The following CPEB3 variants were observed in gnomAD, a reference collection of about 807,000 sequenced individuals.
CPEB3 encodes cytoplasmic polyadenylation element-binding protein 3.
CPEB3 carries 20 observed loss-of-function variants against 67.2 expected under a neutral mutation model. The ratio of observed to expected loss-of-function variants is 0.30; its 90% CI spans 0.21 to 0.43. The LOEUF (loss-of-function observed/expected upper bound fraction) is 0.43, where lower values mean the gene tolerates loss of function less well. Ranked by LOEUF, CPEB3 falls within the 20% of genes least tolerant of loss-of-function variation. The probability of loss-of-function intolerance (pLI) is 1.00; values close to 1 mark genes in which losing one functional copy is unlikely to be tolerated. For missense variants in CPEB3, 746 were observed against 968.6 expected, an observed-to-expected ratio of 0.77 and a Z score of 3.05; for synonymous variants, 376 against 393.1, an observed-to-expected ratio of 0.96 and a Z score of 0.51.
chr10:92,105,295 GAAGGAC>G, intron 7 of CPEB3, among the ~76,000 whole-genome samples: 1 of 152,180 alleles, frequency 6.6e-6, no homozygotes. Context: ...CATCACAAAT[GAAGGAC>G]TGAGACAATC....
At chr10:92,119,294 C>T in intron 6 of CPEB3, 2 of 1,498,414 alleles carry the variant, frequency 1.3e-6, no homozygotes, top group Non-Finnish European at 1.9e-6. Context: ...TTTCAGATCC[C>T]CTTGGAGCAG....
intron 4 of CPEB3, among the ~76,000 whole-genome samples, chr10:92,155,196 GA>G (rs1444898503): frequency 6.6e-6 from 1 of 152,142 alleles, no homozygotes; most frequent in Non-Finnish European, 1.5e-5. Context: ...GCGACAAAGT[GA>G]GACTCTGTCT....
chr10:92,185,437 C>A (rs1352260395), intron 3 of CPEB3, among the ~76,000 whole-genome samples: 18 of 151,840 alleles, frequency 1.2e-4, no homozygotes, highest in Non-Finnish European at 1.5e-5. Flanking sequence ...AATCACAGTC[C>A]CATAAGCTCA....
intron 9 of CPEB3, among the ~76,000 whole-genome samples, chr10:92,077,894 G>T (rs147125107): frequency 6.6e-6 from 1 of 152,020 alleles, no homozygotes; most frequent in Non-Finnish European, 1.5e-5. Flanking sequence ...GGTCCCTGAG[G>T]GGAAAAAGGG....
chr10:92,126,942 A>T (rs1330391138), intron 6 of CPEB3, among the ~76,000 whole-genome samples: 1 of 152,192 alleles, frequency 6.6e-6, no homozygotes, highest in Non-Finnish European at 1.5e-5. Flanking sequence ...TGAACTCATC[A>T]TTTGCCAGGA....
chr10:92,143,317 A>G (rs1564815192), intron 5 of CPEB3, among the ~76,000 whole-genome samples, 199 bp from the exon 6 acceptor site: 3 of 152,200 alleles, frequency 2.0e-5, no homozygotes, highest in Non-Finnish European at 4.4e-5. Context: ...TAATCATGCA[A>G]AGTGTGTTTC....
At chr10:92,143,192 A>C in intron 5 of CPEB3, 74 bp from the exon 6 acceptor site, 9 of 1,107,228 alleles carry the variant, frequency 8.1e-6, no homozygotes, top group Admixed American at 2.3e-5. Context: ...AGCACAAAAC[A>C]TGTCTTTTTA....
In CPEB3 at chr10:92,137,113, A is replaced by G. The variant is rs190396638; in HGVS notation, c.1453+5916T>C. 3.1e-3 allele frequency: 926 copies of G among 300,610 alleles called. 2 individuals are homozygous for G. The highest frequency in any genetic ancestry group is 8.0e-3 in the African/African-American group (363 of 45,116). 18.6% of individuals were successfully genotyped at this position (300,610 alleles called of 1,614,324 possible). A position where few individuals can be genotyped will look rare whatever the true frequency, so the allele number is the denominator to read the frequency against. On this transcript the variant is annotated intron_variant, in intron 6 of 9. Coordinates refer to ENST00000265997, the MANE Select transcript of CPEB3 (RefSeq NM_014912.5). ...GACTGGGAAAATGGCCACTTTTGCC[A>G]TATCAATTCTGCAGTAGATTGAATT... is the stretch of plus-strand genomic sequence containing the variant.
chr10:92,050,790 A>C lies in CPEB3; in HGVS notation c.*1422T>G, dbSNP rs1288563171. 2 of 152,694 alleles carry C rather than the reference A, an allele frequency of 1.3e-5. No individual in the cohort carries two copies. Among genetic ancestry groups the C allele is most frequent in the Non-Finnish European group, 2.9e-5 (2 of 68,056 alleles). The allele number at this position is 152,694 out of a possible 1,614,324, so 9.5% of individuals were successfully genotyped here. ...GCCTAGTTTGTCAATCTGACAACTT[A>C]TCTCTATATCCTGTATATATTCTTA... is the stretch of plus-strand genomic sequence containing the variant. On this transcript the variant is annotated 3_prime_UTR_variant, in exon 10 of 10. Coordinates refer to ENST00000265997, the MANE Select transcript of CPEB3 (RefSeq NM_014912.5).
Position 92,049,414 on chromosome 10 carries a change from A to AT in CPEB3, c.*2797dup, listed in dbSNP as rs1181656526. ...GAACACCTCTGTGTTTTAAAAAATAATTTTTTTGAAGGACCCTCTCTTTTA... is the reference window on the plus strand; with the variant it reads ...GAACACCTCTGTGTTTTAAAAAATAATTTTTTTTGAAGGACCCTCTCTTTTA... On this transcript the variant is annotated 3_prime_UTR_variant, in exon 10 of 10. Transcript: ENST00000265997. The AT allele has an allele frequency of 6.6e-6, 1 of 152,468 alleles. No individual in the cohort carries two copies. Among genetic ancestry groups the AT allele is most frequent in the Non-Finnish European group, 1.5e-5 (1 of 68,026 alleles). 9.4% of individuals were successfully genotyped at this position (152,468 alleles called of 1,614,324 possible). A position where few individuals can be genotyped will look rare whatever the true frequency, so the allele number is the denominator to read the frequency against.
intron 9 of CPEB3, among the ~76,000 whole-genome samples, chr10:92,068,822 TAA>T (rs1265179960): frequency 6.6e-6 from 1 of 152,144 alleles, no homozygotes; most frequent in East Asian, 1.9e-4. Flanking sequence ...AAACTCCCTT[TAA>T]AAAACTATTT....
intron 4 of CPEB3, among the ~76,000 whole-genome samples, chr10:92,154,781 T>C (rs1847126586): frequency 6.6e-6 from 1 of 152,232 alleles, no homozygotes; most frequent in African/African-American, 2.4e-5. Context: ...ATTATCCAAA[T>C]AGGTCCTGAA....
chr10:92,184,702 G>A (rs572004361), intron 3 of CPEB3, among the ~76,000 whole-genome samples: 72 of 152,234 alleles, frequency 4.7e-4, no homozygotes, highest in Non-Finnish European at 8.7e-4. Context: ...AACTAATAAT[G>A]TAATTTTTTA....
At position 92,144,939 on chromosome 10, in the gene CPEB3, T is replaced by C. The variant is rs1184011056; in HGVS notation, c.1363+6A>G. ...CTTTGCAAAATCATTAATGAATGCA[T>C]AGTACCTTCATCAATATCAGGAGGA... On this transcript the variant is annotated splice_donor_region_variant and intron_variant, in intron 5 of 9. Transcript: ENST00000265997. 12 of 1,613,014 alleles carry C rather than the reference T, an allele frequency of 7.4e-6. No homozygotes were observed. Among genetic ancestry groups the C allele is most frequent in the African/African-American group, 1.3e-5 (1 of 74,904 alleles).
intron 6 of CPEB3, chr10:92,137,513 T>C (rs544159592): frequency 2.1e-6 from 2 of 937,184 alleles, no homozygotes; most frequent in Admixed American, 1.8e-5. Context: ...TCTGATGTGC[T>C]TGAGGTGACC....
At chr10:92,236,593 T>TA (rs1388822762) in intron 2 of CPEB3, among the ~76,000 whole-genome samples, 1 of 151,858 alleles carries the variant, frequency 6.6e-6, no homozygotes, top group Non-Finnish European at 1.5e-5. Flanking sequence ...ACTAAAAATA[T>TA]AAAAAATTAG....
At chr10:92,289,873 T>C (rs1034320819) in intron 1 of CPEB3, among the ~76,000 whole-genome samples, 1 of 121,794 alleles carries the variant, frequency 8.2e-6, no homozygotes, top group Non-Finnish European at 1.5e-5. Flanking sequence ...GACACCCCGA[T>C]TAAACTAAAT....
chr10:92,181,951 C>T (rs780271869), intron 3 of CPEB3, among the ~76,000 whole-genome samples: 1 of 149,626 alleles, frequency 6.7e-6, no homozygotes, highest in Non-Finnish European at 1.5e-5. Flanking sequence ...TTATTTGGGA[C>T]AAGGAGGTAG....
chr10:92,090,986 G>C (rs1284393425), intron 8 of CPEB3, among the ~76,000 whole-genome samples: 4 of 152,156 alleles, frequency 2.6e-5, no homozygotes, highest in African/African-American at 9.7e-5. Flanking sequence ...TTAGGTGTAG[G>C]CTGGAGTTGG....
Sources: allele counts gnomAD v4.1 joint callset (sites outside exome capture counted in the v4.1 genomes callset), GRCh38; gene constraint gnomAD v4.1.1; transcripts MANE v1.5; gene names NCBI Gene and HGNC (gene_info 2026-07-23, HGNC 2026-07-21).